GFM1: variants seen among roughly 807,000 people sequenced by gnomAD.
The protein encoded by GFM1 is G elongation factor mitochondrial 1.
A neutral mutation model predicts 96.2 loss-of-function variants in GFM1; 62 were observed. The observed-to-expected ratio is 0.64, with a 90% CI of 0.53 to 0.80. The LOEUF is 0.80. GFM1 is among the 30% of genes least tolerant of loss of function. The pLI, the probability that GFM1 is intolerant of heterozygous loss-of-function variation, is 0.00. For missense variants in GFM1, 852 were observed against 916.6 expected, an observed-to-expected ratio of 0.93 and a Z score of 0.91; for synonymous variants, 282 against 312.9, an observed-to-expected ratio of 0.90 and a Z score of 1.04.
intron 12 of GFM1, 28 bp from the exon 13 acceptor site, chr3:158,666,276 T>G: frequency 6.5e-7 from 1 of 1,539,392 alleles, no homozygotes; most frequent in Non-Finnish European, 9.0e-7. Context: ...TTTTTAAATT[T>G]AAATAATATT....
chr3:158,646,421 TAAAG>T, intron 3 of GFM1, 124 bp downstream of exon 3: 1 of 1,021,008 alleles, frequency 9.8e-7, no homozygotes, highest in Non-Finnish European at 1.5e-6. Flanking sequence ...GAATTCCTAT[TAAAG>T]AAGACTAACT....
At position 158,688,934 on chromosome 3, in the gene GFM1, G is replaced by A. The variant is rs149258501; in HGVS notation, c.1910-1229G>A. On this transcript the variant is annotated intron_variant, in intron 15 of 17. Coordinates refer to ENST00000486715, the MANE Select transcript of GFM1 (RefSeq NM_024996.7). Reference sequence around the variant, plus strand: ...ATACTGTCTCTAGAAGAAGCACTGAGTAAATATATAAGAAAAATTGTTAGT... The same window carrying A: ...ATACTGTCTCTAGAAGAAGCACTGAATAAATATATAAGAAAAATTGTTAGT... 3.0e-3 allele frequency among the ~76,000 whole-genome samples: 462 copies of A among 152,296 alleles called. 2 individuals carry two copies. The highest frequency in any genetic ancestry group is 0.01 in the African/African-American group (430 of 41,564).
chr3:158,660,558 T>G, intron 9 of GFM1: 1 of 347,308 alleles, frequency 2.9e-6, no homozygotes. Context: ...AGTACATGCC[T>G]TTTAATTCCA....
intron 13 of GFM1, among the ~76,000 whole-genome samples, chr3:158,668,308 G>A (rs1723913531): frequency 6.6e-6 from 1 of 151,996 alleles, no homozygotes; most frequent in Non-Finnish European, 1.5e-5. Flanking sequence ...TATATAAATA[G>A]TTGTTATATT....
intron 15 of GFM1, chr3:158,684,934 G>GT (rs1385675806): frequency 4.5e-5 from 16 of 356,762 alleles, no homozygotes; most frequent in Non-Finnish European, 6.1e-5. Context: ...TATAAGTTCT[G>GT]TTTTTAATAG....
chr3:158,669,550 G>T, intron 13 of GFM1: 1 of 1,613,924 alleles, frequency 6.2e-7, no homozygotes, highest in Non-Finnish European at 8.5e-7. Flanking sequence ...TTGACTTCTG[G>T]TGCAGTTTCT....
chr3:158,687,721 G>A (rs754673246), intron 15 of GFM1, among the ~76,000 whole-genome samples: 3 of 152,076 alleles, frequency 2.0e-5, no homozygotes, highest in South Asian at 2.1e-4. Context: ...ACCTGCCTCC[G>A]CCTCCCAAAG....
intron 13 of GFM1, among the ~76,000 whole-genome samples, chr3:158,680,325 G>A (rs940463099): frequency 1.3e-5 from 2 of 151,982 alleles, no homozygotes; most frequent in Non-Finnish European, 2.9e-5. Context: ...TCTAATGAAC[G>A]TTCATTTTAA....
chr3:158,672,736 C>T (rs527755325), intron 13 of GFM1: 1 of 380,410 alleles, frequency 2.6e-6, no homozygotes, highest in Non-Finnish European at 5.0e-6. Flanking sequence ...TTCCTTACTC[C>T]GCCTGCTGGT....
chr3:158,659,399 G>A (rs1447146132), intron 9 of GFM1, among the ~76,000 whole-genome samples: 2 of 152,160 alleles, frequency 1.3e-5, no homozygotes, highest in Admixed American at 1.3e-4. Context: ...TTAAGACTGT[G>A]GAACTGTGAT....
chr3:158,654,754 G>C, intron 8 of GFM1, 123 bp downstream of exon 8: 2 of 722,320 alleles, frequency 2.8e-6, no homozygotes, highest in East Asian at 5.2e-5. Flanking sequence ...AGTAGAAAGA[G>C]CAGGTAGAGA....
rs749756300 is a variant in GFM1, at chr3:158,691,330, C to A, written c.2125-6C>A. On this transcript the variant is annotated splice_polypyrimidine_tract_variant and splice_region_variant and intron_variant, in intron 17 of 17. Coordinates refer to ENST00000486715, the MANE Select transcript of GFM1 (RefSeq NM_024996.7). ...AAAAAACCCTCTCTTTTTTTTAAAT[C>A]CCTAGGGAAAGGGAGAATACACAAT... 9.3e-6 allele frequency: 15 copies of A among 1,613,356 alleles called. No individual in the cohort carries two copies. In the Admixed American group the frequency reaches 2.5e-4, roughly 27 times the overall value.
intron 11 of GFM1, among the ~76,000 whole-genome samples, chr3:158,664,029 G>T (rs1345078360): frequency 6.6e-6 from 1 of 152,166 alleles, no homozygotes; most frequent in African/African-American, 2.4e-5. Context: ...TGCAATAGCT[G>T]TGTGGCCTTG....
At chr3:158,669,324 A>G (rs576356945) in intron 13 of GFM1, 453 of 1,265,618 alleles carry the variant, frequency 3.6e-4, no homozygotes, top group Non-Finnish European at 4.7e-4. Flanking sequence ...TTTTTGCAAA[A>G]GCCTGTAAGT....
chr3:158,680,077 C>G (rs1206249598), intron 13 of GFM1, among the ~76,000 whole-genome samples: 2 of 152,022 alleles, frequency 1.3e-5, no homozygotes, highest in East Asian at 3.9e-4. Context: ...ACAGCAAAGC[C>G]AACACAATTC....
chr3:158,686,914 G>T (rs1426642104), intron 15 of GFM1, among the ~76,000 whole-genome samples: 1 of 151,622 alleles, frequency 6.6e-6, no homozygotes, highest in Non-Finnish European at 1.5e-5. Context: ...TGTATTTTTA[G>T]TAGAGACAAG....
At chr3:158,691,023 A>G in intron 16 of GFM1, 116 bp from the exon 17 acceptor site, 3 of 734,768 alleles carry the variant, frequency 4.1e-6, no homozygotes. Flanking sequence ...ATTTTAAACT[A>G]AGAGTAGTGA....
At position 158,691,534 on chromosome 3, in the gene GFM1, A is replaced by G; in HGVS notation, c.*67A>G. 1 of 1,565,264 alleles carries G rather than the reference A, an allele frequency of 6.4e-7. No individual in the cohort carries two copies. Among genetic ancestry groups the G allele is most frequent in the Non-Finnish European group, 8.8e-7 (1 of 1,139,392 alleles). On this transcript the variant is annotated 3_prime_UTR_variant, in exon 18 of 18. Coordinates refer to ENST00000486715, the MANE Select transcript of GFM1 (RefSeq NM_024996.7). ...TGGTTTTGATACTTTGATGGATTCC[A>G]GTGGAATAAATTCAGGCTGCTGAAA... is the stretch of plus-strand genomic sequence containing the variant.
chr3:158,692,958 GC>G lies in GFM1; in HGVS notation c.*1492del, dbSNP rs1219444935. Among the ~76,000 whole-genome samples, 2 of 152,118 alleles carry G rather than the reference GC, an allele frequency of 1.3e-5. No individual in the cohort carries two copies. Among genetic ancestry groups the G allele is most frequent in the African/African-American group, 2.4e-5 (1 of 41,434 alleles). On this transcript the variant is annotated 3_prime_UTR_variant, in exon 18 of 18. Coordinates refer to ENST00000486715, the MANE Select transcript of GFM1 (RefSeq NM_024996.7). ...TCTGCCTGCCCCAGCCTCCCAAAGT[GC>G]TGGGATTATGGGCATGAACCACCAT... is the stretch of plus-strand genomic sequence containing the variant.
Sources: allele counts gnomAD v4.1 joint callset (sites outside exome capture counted in the v4.1 genomes callset), GRCh38; gene constraint gnomAD v4.1.1; transcripts MANE v1.5; gene names NCBI Gene and HGNC (gene_info 2026-07-23, HGNC 2026-07-21).